Variants in PPP1R17 observed in about 807,000 individuals in gnomAD.
The protein encoded by PPP1R17 is G-substrate.
PPP1R17 carries 12 observed loss-of-function variants against 15.9 expected under a neutral mutation model. The observed-to-expected ratio is 0.75, with a 90% CI of 0.48 to 1.22. PPP1R17 has a LOEUF of 1.22. PPP1R17 is among the 50% of genes most tolerant of loss of function. PPP1R17 has a pLI of 0.00. For missense variants in PPP1R17, 211 were observed against 187.3 expected, an observed-to-expected ratio of 1.13 and a Z score of -0.74; for synonymous variants, 63 against 64.5, an observed-to-expected ratio of 0.98 and a Z score of 0.11.
At chr7:31,689,180 A>T (rs747541787) in intron 1 of PPP1R17, among the ~76,000 whole-genome samples, 29 of 152,194 alleles carry the variant, frequency 1.9e-4, no homozygotes, top group Non-Finnish European at 3.7e-4. Context: ...GTGGCAGTCC[A>T]CGTCCCTGTG....
In PPP1R17 at chr7:31,707,344, G is replaced by A; in HGVS notation, c.*61G>A. ...GATTGGTTCCCTGTGGTGACCTAGA[G>A]AAAAAATAGACTTGTTTCTGCTCTC... On this transcript the variant is annotated 3_prime_UTR_variant, in exon 5 of 5. Coordinates refer to ENST00000342032, the MANE Select transcript of PPP1R17 (RefSeq NM_006658.5). The A allele has an allele frequency of 1.0e-5, 14 of 1,386,348 alleles. No individual in the cohort carries two copies. The highest frequency in any genetic ancestry group is 4.0e-5 in the Admixed American group (2 of 49,966). The allele number at this position is 1,386,348 out of a possible 1,614,324, so 85.9% of individuals were successfully genotyped here.
At chr7:31,707,161 T>G (rs866180047) in intron 4 of PPP1R17, 43 bp from the exon 5 acceptor site, 1 of 1,567,668 alleles carries the variant, frequency 6.4e-7, no homozygotes, top group Non-Finnish European at 8.8e-7. Flanking sequence ...CCTAATGTTT[T>G]AATTAGAGGT....
chr7:31,705,383 T>C (rs1289423294), intron 4 of PPP1R17, among the ~76,000 whole-genome samples: 2 of 152,188 alleles, frequency 1.3e-5, no homozygotes, highest in Admixed American at 1.3e-4. Context: ...GGGCTCAGCA[T>C]AGCTAACTCT....
At chr7:31,698,009 T>C (rs78241678) in intron 4 of PPP1R17, among the ~76,000 whole-genome samples, 7,459 of 152,266 alleles carry the variant, frequency 0.049, 247 homozygotes, top group Middle Eastern at 0.099. Flanking sequence ...CAGATAAAAT[T>C]ATGATCAAGA....
At chr7:31,697,161 A>G in intron 4 of PPP1R17, 44 bp downstream of exon 4, 7 of 1,606,234 alleles carry the variant, frequency 4.4e-6, no homozygotes, top group Non-Finnish European at 5.9e-6. Context: ...TGATGGGGAC[A>G]GGTCAAGAAC....
intron 1 of PPP1R17, among the ~76,000 whole-genome samples, chr7:31,689,238 G>T (rs569652785): frequency 6.6e-6 from 1 of 152,162 alleles, no homozygotes; most frequent in Non-Finnish European, 1.5e-5. Flanking sequence ...GTGGAAAGAG[G>T]ATGTTAAAAA....
chr7:31,700,250 G>T (rs916837906), intron 4 of PPP1R17, among the ~76,000 whole-genome samples: 2 of 152,164 alleles, frequency 1.3e-5, no homozygotes. Flanking sequence ...GTGAACACAG[G>T]AATGATATGG....
Position 31,707,791 on chromosome 7 carries a change from G to T in PPP1R17, c.*508G>T, listed in dbSNP as rs77858177. 3,471 of 154,854 alleles carry T rather than the reference G, an allele frequency of 0.022. 53 individuals carry two copies. The highest frequency in any genetic ancestry group is 0.035 in the Non-Finnish European group (2,414 of 69,584). The allele number at this position is 154,854 out of a possible 1,614,324, so 9.6% of individuals were successfully genotyped here. On this transcript the variant is annotated 3_prime_UTR_variant, in exon 5 of 5. Transcript: ENST00000342032. Reference sequence around the variant, plus strand: ...TTATTTCTCCTGTCCTATCTTAAGAGTCCAAATGTCTCTGGTGATGTTCCT... The same window carrying T: ...TTATTTCTCCTGTCCTATCTTAAGATTCCAAATGTCTCTGGTGATGTTCCT...
At chr7:31,704,589 T>C (rs1441628655) in intron 4 of PPP1R17, among the ~76,000 whole-genome samples, 1 of 152,256 alleles carries the variant, frequency 6.6e-6, no homozygotes, top group Non-Finnish European at 1.5e-5. Flanking sequence ...AAGGATGTAT[T>C]GTCCAGTGAT....
chr7:31,707,381 C>T lies in PPP1R17; in HGVS notation c.*98C>T, dbSNP rs1010965234. On this transcript the variant is annotated 3_prime_UTR_variant, in exon 5 of 5. Coordinates refer to ENST00000342032, the MANE Select transcript of PPP1R17 (RefSeq NM_006658.5). ...TTGTTTCTGCTCTCATTTTTGTCAT[C>T]GTCTGACTTGAAGATTCAGACACCT... is the stretch of plus-strand genomic sequence containing the variant. 31 of 1,051,174 alleles carry T rather than the reference C, an allele frequency of 2.9e-5. No homozygotes were observed. The highest frequency in any genetic ancestry group is 8.0e-5 in the African/African-American group (5 of 62,138). 65.1% of individuals were successfully genotyped at this position (1,051,174 alleles called of 1,614,324 possible).
chr7:31,694,480 G>T (rs141550458), intron 2 of PPP1R17, among the ~76,000 whole-genome samples: 64 of 151,792 alleles, frequency 4.2e-4, no homozygotes, highest in African/African-American at 1.4e-3. Flanking sequence ...AGAAATGAAG[G>T]TGCAAGTTCT....
intron 4 of PPP1R17, among the ~76,000 whole-genome samples, chr7:31,701,750 T>A (rs2128245690): frequency 6.6e-6 from 1 of 152,368 alleles, no homozygotes; most frequent in Middle Eastern, 3.4e-3. Context: ...GCCGTCAACA[T>A]TGAGGCAAGC....
intron 3 of PPP1R17, among the ~76,000 whole-genome samples, chr7:31,696,527 G>A (rs1192333194): frequency 6.6e-6 from 1 of 152,150 alleles, no homozygotes; most frequent in African/African-American, 2.4e-5. Context: ...AAAGCAGGAG[G>A]GCGGAGGTAT....
intron 4 of PPP1R17, among the ~76,000 whole-genome samples, chr7:31,700,325 A>C (rs1174647642): frequency 6.6e-6 from 1 of 152,204 alleles, no homozygotes; most frequent in Non-Finnish European, 1.5e-5. Flanking sequence ...TACACCAGCC[A>C]TAACCCTTCC....
intron 4 of PPP1R17, among the ~76,000 whole-genome samples, chr7:31,697,899 C>T (rs1792668900): frequency 6.6e-6 from 1 of 152,170 alleles, no homozygotes; most frequent in Admixed American, 6.5e-5. Context: ...AATTAACTTA[C>T]TCATCTACTT....
At chr7:31,694,752 G>A (rs924150235) in intron 2 of PPP1R17, among the ~76,000 whole-genome samples, 2 of 152,180 alleles carry the variant, frequency 1.3e-5, no homozygotes, top group African/African-American at 4.8e-5. Flanking sequence ...GGAGAGACTT[G>A]AATGGGCAGG....
intron 3 of PPP1R17, among the ~76,000 whole-genome samples, chr7:31,696,418 T>A (rs1792585276): frequency 6.6e-6 from 1 of 152,168 alleles, no homozygotes; most frequent in Admixed American, 6.5e-5. Flanking sequence ...CTGTTGGAGC[T>A]CAGTGTGGGT....
At chr7:31,698,690 A>G (rs2128243335) in intron 4 of PPP1R17, among the ~76,000 whole-genome samples, 1 of 152,376 alleles carries the variant, frequency 6.6e-6, no homozygotes, top group South Asian at 2.1e-4. Context: ...AAAGTCAATA[A>G]CCATATAGAT....
chr7:31,705,355 G>T (rs1278497717), intron 4 of PPP1R17, among the ~76,000 whole-genome samples: 1 of 152,160 alleles, frequency 6.6e-6, no homozygotes, highest in East Asian at 1.9e-4. Context: ...ATCAAGCAAG[G>T]ATGGATGGAA....
Sources: gnomAD v4.1 joint callset for allele counts (sites outside exome capture counted in the v4.1 genomes callset) on GRCh38, gnomAD v4.1.1 for gene constraint, MANE v1.5 for transcripts, NCBI Gene and HGNC (gene_info 2026-07-23, HGNC 2026-07-21) for gene names.